Variants in ULK4 observed in about 807,000 individuals in gnomAD.
ULK4 encodes the protein inactive serine/threonine-protein kinase ULK4.
ULK4 carries 133 observed loss-of-function variants against 160.6 expected under a neutral mutation model. The observed-to-expected ratio is 0.83, with a 90% confidence interval of 0.72 to 0.96. The LOEUF (loss-of-function observed/expected upper bound fraction) is 0.96. ULK4 is among the 40% of genes least tolerant of loss of function. The probability of loss-of-function intolerance (pLI) is 0.00; values close to 1 mark genes in which losing one functional copy is unlikely to be tolerated. For synonymous variants in ULK4, 534 were observed against 539.8 expected, an observed-to-expected ratio of 0.99 and a Z score of 0.15; for missense variants, 1,580 against 1,499.5, an observed-to-expected ratio of 1.05 and a Z score of -0.89.
At chr3:41,897,855 T>C (rs1365069116) in intron 14 of ULK4, among the ~76,000 whole-genome samples, 1 of 152,184 alleles carries the variant, frequency 6.6e-6, no homozygotes, top group Non-Finnish European at 1.5e-5. Flanking sequence ...TTTCCCCAAA[T>C]CGAGTTTAAC....
chr3:41,482,002 C>T (rs1482487267), intron 32 of ULK4, among the ~76,000 whole-genome samples: 1 of 151,988 alleles, frequency 6.6e-6, no homozygotes, highest in East Asian at 1.9e-4. Context: ...AGCATTGTAC[C>T]TAGGGTGGGT....
chr3:41,775,907 T>C (rs2039598247), intron 21 of ULK4, among the ~76,000 whole-genome samples: 2 of 151,154 alleles, frequency 1.3e-5, no homozygotes, highest in South Asian at 2.1e-4. Flanking sequence ...ATAAGTTTAA[T>C]TATCCAATCT....
intron 31 of ULK4, among the ~76,000 whole-genome samples, chr3:41,569,461 G>A (rs998639626): frequency 6.6e-6 from 1 of 152,064 alleles, no homozygotes; most frequent in Non-Finnish European, 1.5e-5. Flanking sequence ...CAGGGGTGAA[G>A]ATCAAATACA....
intron 32 of ULK4, among the ~76,000 whole-genome samples, chr3:41,520,904 GTTAT>G (rs1480638187): frequency 3.3e-5 from 5 of 152,132 alleles, no homozygotes; most frequent in African/African-American, 1.2e-4. Context: ...TCTGAACTGG[GTTAT>G]TTGTTTTTCT....
At chr3:41,850,400 A>G (rs1464299227) in intron 17 of ULK4, among the ~76,000 whole-genome samples, 2 of 152,072 alleles carry the variant, frequency 1.3e-5, no homozygotes, top group Non-Finnish European at 2.9e-5. Context: ...GACTTCCACA[A>G]TGGTTGAACT....
chr3:41,649,809 C>T (rs1418196568), intron 30 of ULK4, among the ~76,000 whole-genome samples: 2 of 152,266 alleles, frequency 1.3e-5, no homozygotes, highest in African/African-American at 4.8e-5. Flanking sequence ...CCCAGTGAAA[C>T]TCCACCTTCA....
intron 29 of ULK4, among the ~76,000 whole-genome samples, chr3:41,675,069 G>A (rs148360988): frequency 9.2e-5 from 14 of 151,908 alleles, no homozygotes; most frequent in South Asian, 2.1e-4. Flanking sequence ...GTGAAACCCC[G>A]TATCTACTAA....
intron 8 of ULK4, among the ~76,000 whole-genome samples, chr3:41,914,182 G>A (rs763486805): frequency 7.9e-5 from 12 of 152,132 alleles, no homozygotes; most frequent in South Asian, 2.1e-4. Flanking sequence ...AATTAAGCCT[G>A]ACTGAAATTT....
At chr3:41,389,357 C>A (rs2081899064) in intron 35 of ULK4, among the ~76,000 whole-genome samples, 1 of 152,072 alleles carries the variant, frequency 6.6e-6, no homozygotes, top group Non-Finnish European at 1.5e-5. Flanking sequence ...ATTGAATGCC[C>A]TTTATTTCCT....
chr3:41,515,182 G>A (rs764355894), intron 32 of ULK4, among the ~76,000 whole-genome samples: 6 of 151,914 alleles, frequency 3.9e-5, no homozygotes, highest in East Asian at 1.9e-4. Context: ...GCTTGAACTC[G>A]GGAGGTGGAG....
chr3:41,274,863 T>C (rs1195955957), intron 35 of ULK4, among the ~76,000 whole-genome samples: 1 of 152,220 alleles, frequency 6.6e-6, no homozygotes, highest in African/African-American at 2.4e-5. Context: ...TCTATTTATG[T>C]GGTGGCAGGG....
At chr3:41,429,565 A>T (rs2125844789) in intron 34 of ULK4, among the ~76,000 whole-genome samples, 1 of 152,338 alleles carries the variant, frequency 6.6e-6, no homozygotes, top group South Asian at 2.1e-4. Context: ...AGCCATAAAA[A>T]GGAATGAGAT....
At chr3:41,382,906 T>C (rs114250064) in intron 35 of ULK4, among the ~76,000 whole-genome samples, 2 of 152,090 alleles carry the variant, frequency 1.3e-5, no homozygotes, top group Admixed American at 6.6e-5. Flanking sequence ...ATGTGGATAT[T>C]TGTTATTGTT....
At chr3:41,611,314 G>A (rs2032665617) in intron 31 of ULK4, among the ~76,000 whole-genome samples, 1 of 152,128 alleles carries the variant, frequency 6.6e-6, no homozygotes, top group African/African-American at 2.4e-5. Flanking sequence ...TCTGCTTGGG[G>A]AACAGCACCC....
chr3:41,353,071 A>G (rs1020948853), intron 35 of ULK4, among the ~76,000 whole-genome samples: 6 of 152,154 alleles, frequency 3.9e-5, no homozygotes, highest in South Asian at 4.2e-4. Context: ...TCCTTTCTGG[A>G]CTTGGGAAAT....
intron 18 of ULK4, among the ~76,000 whole-genome samples, chr3:41,823,081 T>TA (rs140974808): frequency 0.057 from 8,730 of 151,940 alleles, 822 homozygotes; most frequent in African/African-American, 0.19. Context: ...ATGAGTGCTA[T>TA]AAAGAAAAAC....
At chr3:41,374,571 T>A (rs1407496945) in intron 35 of ULK4, among the ~76,000 whole-genome samples, 1 of 152,136 alleles carries the variant, frequency 6.6e-6, no homozygotes, top group East Asian at 1.9e-4. Flanking sequence ...GAAAAGGCCT[T>A]CAATAAAATT....
At chr3:41,514,828 C>T (rs1795318) in intron 32 of ULK4, among the ~76,000 whole-genome samples, 64,259 of 151,948 alleles carry the variant, frequency 0.42, 15,043 homozygotes, top group Non-Finnish European at 0.52. Flanking sequence ...GCAATGTATG[C>T]TATTCTGTTG....
At chr3:41,249,615 G>T in intron 35 of ULK4, 41 bp from the exon 36 acceptor site, 1 of 1,589,524 alleles carries the variant, frequency 6.3e-7, no homozygotes, top group Non-Finnish European at 8.6e-7. Flanking sequence ...CAGCTGACCC[G>T]TCCCTGACTC....
Sources: gnomAD v4.1 joint callset for allele counts (sites outside exome capture counted in the v4.1 genomes callset) on GRCh38, gnomAD v4.1.1 for gene constraint, MANE v1.5 for transcripts, NCBI Gene and HGNC (gene_info 2026-07-23, HGNC 2026-07-21) for gene names.